Variants in TNS3 observed in about 807,000 individuals in gnomAD.
TNS3 encodes the protein tensin 3, also known as tensin-3.
Under a neutral mutation model 140.9 loss-of-function variants are expected in TNS3, and 45 were observed. That is an observed-to-expected ratio of 0.32 (90% CI 0.25 to 0.41). The LOEUF (loss-of-function observed/expected upper bound fraction) is 0.41, where lower values mean the gene tolerates loss of function less well. Ranked by LOEUF, TNS3 falls within the 10% of genes least tolerant of loss-of-function variation. TNS3 has a pLI of 1.00. For missense variants in TNS3, 1,716 were observed against 1,906.7 expected, an observed-to-expected ratio of 0.90 and a Z score of 1.86; for synonymous variants, 815 against 788.4, an observed-to-expected ratio of 1.03 and a Z score of -0.56.
At chr7:47,448,229 G>A (rs530759144) in intron 4 of TNS3, among the ~76,000 whole-genome samples, 52 of 152,338 alleles carry the variant, frequency 3.4e-4, no homozygotes, top group African/African-American at 1.3e-3. Flanking sequence ...CCCATGTGGG[G>A]CATGCAGAGG....
At chr7:47,428,192 G>A in intron 9 of TNS3, 120 bp downstream of exon 9, 3 of 630,302 alleles carry the variant, frequency 4.8e-6, no homozygotes, top group Non-Finnish European at 7.2e-6. Context: ...ACTGGGGAAT[G>A]GGAAACACAG....
At chr7:47,543,407 G>A (rs972531652) in intron 1 of TNS3, among the ~76,000 whole-genome samples, 27 of 152,244 alleles carry the variant, frequency 1.8e-4, no homozygotes, top group African/African-American at 6.3e-4. Context: ...ATGTGCATGG[G>A]GCACCTGAAA....
intron 1 of TNS3, among the ~76,000 whole-genome samples, chr7:47,529,788 TG>T (rs1226844378): frequency 2.6e-5 from 4 of 152,254 alleles, no homozygotes; most frequent in Non-Finnish European, 4.4e-5. Context: ...CTCAGCTATA[TG>T]ATAACCTTAT....
intron 4 of TNS3, among the ~76,000 whole-genome samples, chr7:47,449,787 G>A (rs1795929669): frequency 6.6e-6 from 1 of 152,130 alleles, no homozygotes. Flanking sequence ...TGTATTTTTA[G>A]TAGAGATGGG....
At chr7:47,474,154 TA>T (rs1380763378) in intron 4 of TNS3, among the ~76,000 whole-genome samples, 9 of 94,466 alleles carry the variant, frequency 9.5e-5, no homozygotes, top group Admixed American at 4.0e-4. Context: ...ACAACACACA[TA>T]AAAAAACCTC....
chr7:47,364,718 G>A (rs989709821), intron 17 of TNS3, among the ~76,000 whole-genome samples: 1 of 152,184 alleles, frequency 6.6e-6, no homozygotes, highest in Non-Finnish European at 1.5e-5. Flanking sequence ...AGCACAAGAG[G>A]CACGTCCTGG....
chr7:47,307,372 A>G (rs1203230954), intron 20 of TNS3, among the ~76,000 whole-genome samples: 3 of 152,216 alleles, frequency 2.0e-5, no homozygotes, highest in Non-Finnish European at 1.5e-5. Context: ...TTGTATGGAC[A>G]TATCACATTT....
At chr7:47,447,336 T>G (rs1397311661) in intron 4 of TNS3, among the ~76,000 whole-genome samples, 1 of 152,078 alleles carries the variant, frequency 6.6e-6, no homozygotes, top group Non-Finnish European at 1.5e-5. Context: ...CACTTCCTAG[T>G]GTGTCACAGC....
At chr7:47,559,291 A>C (rs1800274261) in intron 1 of TNS3, among the ~76,000 whole-genome samples, 1 of 152,226 alleles carries the variant, frequency 6.6e-6, no homozygotes, top group South Asian at 2.1e-4. Flanking sequence ...TGGAGGTTGC[A>C]GTGAGCCAAG....
chr7:47,472,459 A>G (rs1390959301), intron 4 of TNS3, among the ~76,000 whole-genome samples: 1 of 152,150 alleles, frequency 6.6e-6, no homozygotes, highest in Non-Finnish European at 1.5e-5. Flanking sequence ...ACTGGTACTC[A>G]CTGTGTGTGC....
chr7:47,574,278 C>G (rs532755225), intron 1 of TNS3, among the ~76,000 whole-genome samples: 2 of 152,178 alleles, frequency 1.3e-5, no homozygotes, highest in Non-Finnish European at 2.9e-5. Context: ...TTCCTGCTTT[C>G]TCATCCCATT....
At chr7:47,348,315 T>C (rs768937617) in intron 17 of TNS3, among the ~76,000 whole-genome samples, 8 of 152,186 alleles carry the variant, frequency 5.3e-5, no homozygotes, top group Non-Finnish European at 1.0e-4. Context: ...AAAGGAGCCA[T>C]GCAGCTGGCC....
chr7:47,549,359 G>T (rs1050682311), intron 1 of TNS3, among the ~76,000 whole-genome samples: 1 of 152,136 alleles, frequency 6.6e-6, no homozygotes, highest in Non-Finnish European at 1.5e-5. Flanking sequence ...GCCATGTGTG[G>T]TGGCGGGTGC....
At chr7:47,525,090 G>C (rs1186159696) in intron 2 of TNS3, among the ~76,000 whole-genome samples, 2 of 152,212 alleles carry the variant, frequency 1.3e-5, no homozygotes, top group African/African-American at 4.8e-5. Flanking sequence ...GAGTAGAGGA[G>C]CATTAGCCAA....
chr7:47,380,768 G>GCA (rs1300004288), intron 16 of TNS3, among the ~76,000 whole-genome samples: 3 of 151,364 alleles, frequency 2.0e-5, no homozygotes, highest in African/African-American at 7.3e-5. Context: ...ATGCACGCGC[G>GCA]CGCACACACA....
At chr7:47,382,620 C>T (rs568447522) in intron 16 of TNS3, among the ~76,000 whole-genome samples, 1 of 152,122 alleles carries the variant, frequency 6.6e-6, no homozygotes, top group Non-Finnish European at 1.5e-5. Context: ...GCTGGCCAGT[C>T]CACCCTTAGT....
intron 8 of TNS3, among the ~76,000 whole-genome samples, chr7:47,428,704 T>A (rs1415005869): frequency 1.3e-5 from 2 of 152,168 alleles, no homozygotes; most frequent in African/African-American, 4.8e-5. Context: ...GCTGCAGCAA[T>A]TAGCATGACT....
In TNS3 at chr7:47,399,057, A is replaced by T. The variant is rs1220001987; in HGVS notation, c.919+1336T>A. ...GACCAAACTGACAATCAAATTAAGA[A>T]CTCAATTCTTTTTACGACAGCTGAA... is the stretch of plus-strand genomic sequence containing the variant. On this transcript the variant is annotated intron_variant, in intron 15 of 30. Coordinates refer to ENST00000311160, the MANE Select transcript of TNS3 (RefSeq NM_022748.12). 2.0e-5 allele frequency among the ~76,000 whole-genome samples: 3 copies of T among 147,150 alleles called. No individual in the cohort carries two copies. The Admixed American group carries it at 2.1e-4, about 10-fold the overall frequency.
chr7:47,312,688 G>A (rs559142026), intron 20 of TNS3, among the ~76,000 whole-genome samples: 109 of 138,888 alleles, frequency 7.8e-4, no homozygotes, highest in Non-Finnish European at 1.4e-3. Flanking sequence ...GGGCGAGAGA[G>A]CAAAACTCTG....
Sources: allele counts gnomAD v4.1 joint callset (sites outside exome capture counted in the v4.1 genomes callset), GRCh38; gene constraint gnomAD v4.1.1; transcripts MANE v1.5; gene names NCBI Gene and HGNC (gene_info 2026-07-23, HGNC 2026-07-21).